ARSG: variants seen among roughly 807,000 people sequenced by gnomAD.
ARSG encodes the protein arylsulfatase G.
In ARSG, 37 loss-of-function variants were observed where a neutral mutation model predicts 50.5. That is an observed-to-expected ratio of 0.73 (90% confidence interval 0.56 to 0.96). ARSG has a LOEUF of 0.96. Among genes scored for constraint, ARSG ranks in the 50% least tolerant of loss-of-function variants. The pLI is 0.00. For missense variants in ARSG, 629 were observed against 675.3 expected (o/e 0.93, Z 0.76); for synonymous variants, 225 against 254.6 (o/e 0.88, Z 1.11).
intron 9 of ARSG, among the ~76,000 whole-genome samples, chr17:68,393,536 G>A (rs1287079457): frequency 7.2e-5 from 11 of 152,278 alleles, no homozygotes; most frequent in Non-Finnish European, 2.9e-5. Flanking sequence ...AAGCCGAAAT[G>A]TGCTTCCTTT....
intron 8 of ARSG, among the ~76,000 whole-genome samples, chr17:68,372,954 C>T (rs982471529): frequency 2.9e-5 from 4 of 139,948 alleles, no homozygotes; most frequent in Non-Finnish European, 4.5e-5. Context: ...TGCAGTGGCA[C>T]GATCTTGGCT....
intron 1 of ARSG, among the ~76,000 whole-genome samples, chr17:68,259,892 G>A (rs1226204721): frequency 3.3e-5 from 5 of 152,172 alleles, no homozygotes; most frequent in Non-Finnish European, 7.3e-5. Context: ...ACTAGGAGAG[G>A]AAGGCTTATT....
chr17:68,281,306 C>T (rs1256659505), intron 1 of ARSG, among the ~76,000 whole-genome samples: 6 of 152,002 alleles, frequency 3.9e-5, no homozygotes, highest in Admixed American at 3.3e-4. Context: ...CGGTGGCTCA[C>T]GCCTGTAATC....
In ARSG at chr17:68,271,185, G is replaced by C. The variant is rs781839512; in HGVS notation, c.-552+11759G>C. 1 of 1,613,908 alleles carries C rather than the reference G, an allele frequency of 6.2e-7. No individual in the cohort carries two copies. Among genetic ancestry groups the C allele is most frequent in the African/African-American group, 1.3e-5 (1 of 74,946 alleles). On this transcript the variant is annotated intron_variant, in intron 1 of 11. Coordinates refer to the ARSG transcript ENST00000448504. This position sits in a 1 kb window ranked among gnomAD's most constrained non-coding sequence, Gnocchi z 5.3. ...ATAATAAAAAAGCAGCGCGGTCCTGGTCAATGCCCAGACTAATGCCCAGAG... is the reference window on the plus strand; with the variant it reads ...ATAATAAAAAAGCAGCGCGGTCCTGCTCAATGCCCAGACTAATGCCCAGAG...
chr17:68,451,856 C>T, the ARSG span, among the ~76,000 whole-genome samples: 1 of 152,204 alleles, frequency 6.6e-6, no homozygotes, highest in East Asian at 1.9e-4. Flanking sequence ...ACAAAGGTTA[C>T]GGCTTTGGTA....
At chr17:68,444,931 T>C in the ARSG span, among the ~76,000 whole-genome samples, 1 of 146,616 alleles carries the variant, frequency 6.8e-6, no homozygotes, top group Non-Finnish European at 1.5e-5. Flanking sequence ...TTTTTTTTTT[T>C]TTTTTTTGAG....
chr17:68,313,681 C>T (rs1415946442), intron 2 of ARSG, among the ~76,000 whole-genome samples: 1,506 of 123,392 alleles, frequency 0.012, 16 homozygotes, highest in Non-Finnish European at 0.018. Flanking sequence ...CTCTCTCTCT[C>T]TCTTTTTTTT....
chr17:68,420,056 A>G, intron 11 of ARSG, 133 bp from the exon 12 acceptor site: 1 of 1,018,894 alleles, frequency 9.8e-7, no homozygotes, highest in African/African-American at 1.6e-5. Flanking sequence ...TTTCTTTGAC[A>G]GAGAGAGCCA....
chr17:68,417,966 A>G (rs370784793), intron 11 of ARSG, among the ~76,000 whole-genome samples: 11 of 151,772 alleles, frequency 7.2e-5, no homozygotes, highest in African/African-American at 2.7e-4. Flanking sequence ...TCCTGACCTC[A>G]TGATCCGCCT....
At chr17:68,285,288 A>G (rs782029000) in intron 1 of ARSG, among the ~76,000 whole-genome samples, 8 of 152,212 alleles carry the variant, frequency 5.3e-5, no homozygotes, top group Non-Finnish European at 1.0e-4. Context: ...GACCACCTTG[A>G]AACAAAACAT....
chr17:68,307,185 C>A lies in ARSG; in HGVS notation c.-309C>A. 1 of 324,746 alleles carries A rather than the reference C, an allele frequency of 3.1e-6. No individual in the cohort carries two copies. The highest frequency in any genetic ancestry group is 5.7e-6 in the Non-Finnish European group (1 of 176,958). 20.1% of individuals were successfully genotyped at this position (324,746 alleles called of 1,614,324 possible). ...TTGACATTGATGTCTAATTATTGAA[C>A]ACGACCAGTCATTTTACTGAGCTGC... On this transcript the variant is annotated 5_prime_UTR_variant, in exon 2 of 12. Transcript: ENST00000621439.
At chr17:68,371,820 A>G (rs978190180) in intron 8 of ARSG, among the ~76,000 whole-genome samples, 1 of 152,224 alleles carries the variant, frequency 6.6e-6, no homozygotes, top group Non-Finnish European at 1.5e-5. Context: ...AATAATTCAT[A>G]TTTATTGACT....
chr17:68,311,070 C>T (rs536083676), intron 2 of ARSG, among the ~76,000 whole-genome samples: 25 of 152,216 alleles, frequency 1.6e-4, no homozygotes, highest in Admixed American at 1.4e-3. Context: ...TGGCGGTGCA[C>T]GGGAGAACCT....
chr17:68,288,672 C>A (rs1264520799), upstream of ARSG, among the ~76,000 whole-genome samples: 1 of 152,196 alleles, frequency 6.6e-6, no homozygotes, highest in Non-Finnish European at 1.5e-5. Flanking sequence ...TCTTCCTGCC[C>A]TAATAGTCTA....
intron 2 of ARSG, among the ~76,000 whole-genome samples, chr17:68,338,465 T>C (rs1388770645): frequency 6.6e-6 from 1 of 152,126 alleles, no homozygotes; most frequent in Non-Finnish European, 1.5e-5. Context: ...CTTCTGGAGT[T>C]CTTAGTAGAG....
chr17:68,372,300 CG>C (rs1393125114), intron 8 of ARSG, among the ~76,000 whole-genome samples: 1 of 152,082 alleles, frequency 6.6e-6, no homozygotes, highest in East Asian at 1.9e-4. Flanking sequence ...ATTGATCGAT[CG>C]ATCGATCGAA....
chr17:68,345,843 A>G (rs2078477576), intron 3 of ARSG, among the ~76,000 whole-genome samples: 1 of 152,182 alleles, frequency 6.6e-6, no homozygotes, highest in Non-Finnish European at 1.5e-5. Context: ...GTTTAATCCA[A>G]ATATTTCACA....
upstream of ARSG, among the ~76,000 whole-genome samples, chr17:68,289,502 G>C (rs2075918357): frequency 6.6e-6 from 1 of 152,200 alleles, no homozygotes; most frequent in Non-Finnish European, 1.5e-5. Flanking sequence ...GGCTACTGTT[G>C]TAGGCAGACC....
intron 11 of ARSG, among the ~76,000 whole-genome samples, chr17:68,417,155 A>C (rs2082422693): frequency 6.6e-6 from 1 of 152,046 alleles, no homozygotes; most frequent in South Asian, 2.1e-4. Flanking sequence ...TGGACTGTGA[A>C]CTTCACAAGT....
Sources: allele counts gnomAD v4.1 joint callset (sites outside exome capture counted in the v4.1 genomes callset), GRCh38; gene constraint gnomAD v4.1.1; non-coding constraint Gnocchi (gnomAD v3.1); transcripts MANE v1.5; gene names NCBI Gene and HGNC (gene_info 2026-07-23, HGNC 2026-07-21).